Variants in ADAMTS9 observed in about 807,000 individuals in gnomAD.
The protein encoded by ADAMTS9 is A disintegrin and metalloproteinase with thrombospondin motifs 9.
A neutral mutation model predicts 257.1 loss-of-function variants in ADAMTS9; 107 were observed. The ratio of observed to expected loss-of-function variants is 0.42; its 90% CI spans 0.36 to 0.49. ADAMTS9 has a LOEUF of 0.49. Among genes scored for constraint, ADAMTS9 ranks in the 20% least tolerant of loss-of-function variants. The pLI, the probability that ADAMTS9 is intolerant of heterozygous loss-of-function variation, is 0.03. For synonymous variants in ADAMTS9, 982 were observed against 880.9 expected, an observed-to-expected ratio of 1.11 and a Z score of -2.03; for missense variants, 2,353 against 2,469.1, an observed-to-expected ratio of 0.95 and a Z score of 1.00.
intron 12 of ADAMTS9, among the ~76,000 whole-genome samples, chr3:64,641,105 T>G (rs965870258): frequency 2.0e-5 from 3 of 152,020 alleles, no homozygotes; most frequent in Non-Finnish European, 2.9e-5. Context: ...AGAAAAAAAA[T>G]AAAAAGTAAT....
chr3:64,541,550 C>A lies in ADAMTS9; in HGVS notation c.5268G>T (p.Leu1756=). The change falls in exon 34 of 40, where the codon CTG becomes CTT. Residue 1756 remains leucine, a synonymous_variant. Coordinates refer to ENST00000498707, the MANE Select transcript of ADAMTS9 (RefSeq NM_182920.2). ...CCTTCAGAAGCTTTCCTCTAATCATCAGGAAATATTCACCATCTTCACTGG... is the reference window on the plus strand; with the variant it reads ...CCTTCAGAAGCTTTCCTCTAATCATAAGGAAATATTCACCATCTTCACTGG... ...KGASEDGEYF[L]MIRGKLLKIF... 2 of 1,614,038 alleles carry A rather than the reference C, an allele frequency of 1.2e-6. No homozygotes were observed. The highest frequency in any genetic ancestry group is 1.7e-6 in the Non-Finnish European group (2 of 1,179,900).
intron 3 of ADAMTS9, among the ~76,000 whole-genome samples, chr3:64,668,574 T>G (rs1336211739): frequency 1.3e-5 from 2 of 152,186 alleles, no homozygotes; most frequent in Admixed American, 6.5e-5. Context: ...TAATGATAGT[T>G]CATGCCTAAT....
At chr3:64,545,876 G>A (rs999360393) in intron 32 of ADAMTS9, among the ~76,000 whole-genome samples, 6 of 152,178 alleles carry the variant, frequency 3.9e-5, no homozygotes, top group Non-Finnish European at 5.9e-5. Context: ...GATTACAGGT[G>A]TGAGCTACCA....
chr3:64,644,832 T>C (rs574466692), intron 11 of ADAMTS9, among the ~76,000 whole-genome samples: 2 of 152,326 alleles, frequency 1.3e-5, no homozygotes, highest in Admixed American at 1.3e-4. Context: ...AGCATTACTA[T>C]AAACATTGGA....
At chr3:64,537,496 C>A (rs1371799487) in intron 37 of ADAMTS9, among the ~76,000 whole-genome samples, 5 of 152,092 alleles carry the variant, frequency 3.3e-5, no homozygotes, top group Non-Finnish European at 7.4e-5. Context: ...ACCATTATGT[C>A]CTTTGTTTAT....
intron 3 of ADAMTS9, among the ~76,000 whole-genome samples, chr3:64,677,010 G>A (rs1559823844): frequency 6.6e-6 from 1 of 152,126 alleles, no homozygotes; most frequent in East Asian, 1.9e-4. Context: ...AAAATTCAGG[G>A]TCAAATAGAG....
intron 22 of ADAMTS9, among the ~76,000 whole-genome samples, chr3:64,609,016 A>G (rs1034997834): frequency 1.0e-4 from 15 of 148,850 alleles, no homozygotes; most frequent in African/African-American, 2.0e-4. Context: ...AGAACAATGG[A>G]AAAAAAAACA....
Position 64,659,113 on chromosome 3 carries a change from G to A in ADAMTS9, c.680-322C>T, listed in dbSNP as rs1225211507. ...CTGGGATTGATTCAAGGAATCTCAC[G>A]CTCACTGTTATTTGCCATAGATATA... is the stretch of plus-strand genomic sequence containing the variant. On this transcript the variant is annotated intron_variant, in intron 3 of 39. Transcript: ENST00000498707. Among the ~76,000 whole-genome samples, 9 of 152,240 alleles carry A rather than the reference G, an allele frequency of 5.9e-5. No homozygotes were observed. The East Asian group carries it at 7.7e-4, about 13-fold the overall frequency.
chr3:64,539,415 A>G, intron 36 of ADAMTS9, 121 bp from the exon 37 acceptor site: 1 of 814,700 alleles, frequency 1.2e-6, no homozygotes, highest in Non-Finnish European at 2.0e-6. Context: ...AATGGGAGAG[A>G]AAGAAGCAAT....
intron 32 of ADAMTS9, among the ~76,000 whole-genome samples, chr3:64,542,594 A>T (rs59548817): frequency 0.04 from 6,143 of 151,960 alleles, 702 homozygotes; most frequent in Admixed American, 0.25. Context: ...CGCCCAACAA[A>T]TTTTTGTATT....
At chr3:64,584,925 C>A (rs2084109308) in intron 28 of ADAMTS9, among the ~76,000 whole-genome samples, 1 of 152,164 alleles carries the variant, frequency 6.6e-6, no homozygotes, top group African/African-American at 2.4e-5. Flanking sequence ...ATTATTAATA[C>A]AACAGCACTA....
At chr3:64,553,146 C>T (rs1367015468) in intron 30 of ADAMTS9, among the ~76,000 whole-genome samples, 1 of 152,160 alleles carries the variant, frequency 6.6e-6, no homozygotes, top group African/African-American at 2.4e-5. Flanking sequence ...ATCACCCCAT[C>T]TAGTTCCAGA....
At chr3:64,617,229 T>G (rs1699978013) in intron 19 of ADAMTS9, among the ~76,000 whole-genome samples, 1 of 152,332 alleles carries the variant, frequency 6.6e-6, no homozygotes, top group South Asian at 2.1e-4. Flanking sequence ...CATCTGGAAC[T>G]TTCATCTGCC....
intron 39 of ADAMTS9, among the ~76,000 whole-genome samples, chr3:64,521,273 C>T (rs149434935): frequency 1.3e-5 from 2 of 152,028 alleles, no homozygotes; most frequent in Middle Eastern, 3.4e-3. Context: ...ATCAGAATGG[C>T]GATTCTTAAA....
rs778878571 is a variant in ADAMTS9, at chr3:64,604,252, T to G, written c.3554A>C (p.Gln1185Pro). The G allele has an allele frequency of 2.5e-6, 4 of 1,613,436 alleles. No homozygotes were observed. The highest frequency in any genetic ancestry group is 3.4e-6 in the Non-Finnish European group (4 of 1,179,810). The change falls in exon 24 of 40, where the codon CAG (glutamine) becomes CCG (proline). Residue 1185 changes from glutamine to proline, a missense_variant. By Grantham distance (76) the Gln-to-Pro change is moderately conservative. Around this residue, in one of 3 missense-constraint regions of ADAMTS9, gnomAD observed 1,402 missense variants for 1,441.4 expected, o/e 0.97. Coordinates refer to ENST00000498707, the MANE Select transcript of ADAMTS9 (RefSeq NM_182920.2). ...TGGGGTCCAAGACCCAAATCGCCAC[T>G]GGGTTCTTGGTGCACTGTATGTGCT... ...RRSTYSAPRT[Q>P]WRFGSWTPCS...
At position 64,546,888 on chromosome 3, in the gene ADAMTS9, C is replaced by T. The variant is rs756832736; in HGVS notation, c.4934G>A (p.Gly1645Glu). 4 of 1,613,986 alleles carry T rather than the reference C, an allele frequency of 2.5e-6. No individual in the cohort carries two copies. The highest frequency in any genetic ancestry group is 1.3e-5 in the African/African-American group (1 of 74,904). Residue 1645 changes from glycine (G) to glutamate (E), a missense_variant, in exon 32 of 40, where the codon GGG (glycine) becomes GAG (glutamate). Gly to Glu is a moderately conservative substitution (Grantham distance 98). Coordinates refer to ENST00000498707, the MANE Select transcript of ADAMTS9 (RefSeq NM_182920.2). ...RLVSCSEIYTGKENYEYSYQT... is the reference protein window; with the variant it reads ...RLVSCSEIYTEKENYEYSYQT... ...GTAGCTGTATTCATAATTCTCCTTC[C>T]CGGTGTAAATCTCGCTGCACGAGAC...
At chr3:64,616,789 T>C (rs2084774363) in intron 19 of ADAMTS9, among the ~76,000 whole-genome samples, 1 of 152,164 alleles carries the variant, frequency 6.6e-6, no homozygotes, top group Non-Finnish European at 1.5e-5. Context: ...AAAATGTATT[T>C]TGTTGATTAG....
chr3:64,658,694 G>A lies in ADAMTS9; in HGVS notation c.777C>T (p.Ser259=), dbSNP rs188431418. The change falls in exon 4 of 40, where the codon AGC becomes AGT. Residue 259 remains serine (S), a synonymous_variant. Transcript: ENST00000498707. ...NLAGDVAALN[S]GLATEAFSAY... is the part of the protein sequence containing the mutation. ...CAGAAAATGCCTCTGTTGCTAAGCC[G>A]CTGTTTAATGCTGCTACGTCACCAG... The A allele has an allele frequency of 1.0e-4, 167 of 1,613,998 alleles. No individual in the cohort carries two copies. In the East Asian group the frequency reaches 2.8e-3, roughly 27 times the overall value.
In ADAMTS9 at chr3:64,686,589, G is replaced by A. The variant is rs1347119321; in HGVS notation, c.495C>T (p.Val165=). The A allele has an allele frequency of 1.2e-6, 2 of 1,612,146 alleles. No homozygotes were observed. The highest frequency in any genetic ancestry group is 1.1e-5 in the South Asian group (1 of 90,622). ...YVNTNSEHTA[V]ISLCSGMLGT... is the part of the protein sequence containing the mutation. ...TTACCATTCCTGAGCAGAGGCTGAT[G>A]ACGGCCGTGTGCTCGGAGTTGGTAT... The change falls in exon 2 of 40, where the codon GTC becomes GTT. Residue 165 remains valine (V), a synonymous_variant. Coordinates refer to ENST00000498707, the MANE Select transcript of ADAMTS9 (RefSeq NM_182920.2). The surrounding 1 kb of genome is among the most constrained non-coding windows in gnomAD (Gnocchi z 4.6).
Sources: allele counts gnomAD v4.1 joint callset (sites outside exome capture counted in the v4.1 genomes callset), GRCh38; gene constraint gnomAD v4.1.1; regional missense constraint gnomAD v4.1.1; non-coding constraint Gnocchi (gnomAD v3.1); transcripts MANE v1.5; gene names NCBI Gene and HGNC (gene_info 2026-07-23, HGNC 2026-07-21).